Variants in WDR72 observed in about 807,000 individuals in gnomAD.
WDR72 encodes WD repeat-containing protein 72.
A neutral mutation model predicts 124.2 loss-of-function variants in WDR72; 120 were observed. The ratio of observed to expected loss-of-function variants is 0.97; its 90% CI spans 0.83 to 1.12. The LOEUF (loss-of-function observed/expected upper bound fraction) is 1.12. Among genes scored for constraint, WDR72 ranks in the 50% most tolerant of loss-of-function variants. WDR72 has a pLI of 0.00. For missense variants in WDR72, 1,387 were observed against 1,278.8 expected (o/e 1.08, Z -1.29); for synonymous variants, 452 against 441.7 (o/e 1.02, Z -0.29).
chr15:53,678,292 A>T (rs895242681), intron 13 of WDR72, among the ~76,000 whole-genome samples: 10 of 152,198 alleles, frequency 6.6e-5, no homozygotes, highest in Non-Finnish European at 2.9e-5. Flanking sequence ...TTACGAAATA[A>T]ATGTAGCAAT....
At chr15:53,690,305 C>T (rs1011073883) in intron 13 of WDR72, among the ~76,000 whole-genome samples, 9 of 152,094 alleles carry the variant, frequency 5.9e-5, no homozygotes, top group East Asian at 1.9e-4. Flanking sequence ...ACATAATATA[C>T]ATTAACTACA....
chr15:53,742,857 T>C (rs150572180), intron 1 of WDR72, among the ~76,000 whole-genome samples: 1 of 152,326 alleles, frequency 6.6e-6, no homozygotes, highest in African/African-American at 2.4e-5. Flanking sequence ...TATTTTGATA[T>C]TGCATTTTGT....
intron 17 of WDR72, among the ~76,000 whole-genome samples, chr15:53,604,950 G>A (rs1028782601): frequency 6.6e-6 from 1 of 152,108 alleles, no homozygotes; most frequent in Non-Finnish European, 1.5e-5. Context: ...AAGACCTAAA[G>A]ACAGAAATAC....
intron 14 of WDR72, among the ~76,000 whole-genome samples, chr15:53,663,180 A>T (rs2015665104): frequency 6.6e-6 from 1 of 152,070 alleles, no homozygotes. Flanking sequence ...TATAATAGAC[A>T]TTGAAGATAC....
intron 18 of WDR72, among the ~76,000 whole-genome samples, chr15:53,525,012 T>C (rs1892028598): frequency 6.6e-6 from 1 of 152,076 alleles, no homozygotes; most frequent in African/African-American, 2.4e-5. Context: ...TAGGCCAACT[T>C]GAGACCAAGG....
intron 1 of WDR72, among the ~76,000 whole-genome samples, chr15:53,753,337 C>A (rs1056451578): frequency 6.6e-6 from 1 of 152,220 alleles, no homozygotes; most frequent in African/African-American, 2.4e-5. Flanking sequence ...CTAATGCCCA[C>A]GATTCTAGTG....
intron 13 of WDR72, among the ~76,000 whole-genome samples, chr15:53,684,879 G>A (rs1308093402): frequency 1.3e-5 from 2 of 152,226 alleles, no homozygotes; most frequent in Non-Finnish European, 2.9e-5. Flanking sequence ...GGGCCAGACT[G>A]CCTCCTCAAG....
intron 14 of WDR72, among the ~76,000 whole-genome samples, chr15:53,648,467 A>C (rs1189002888): frequency 6.6e-6 from 1 of 152,158 alleles, no homozygotes; most frequent in East Asian, 1.9e-4. Flanking sequence ...TGCTTTCTAA[A>C]CATCATACTA....
chr15:53,692,931 A>G (rs2016888031), intron 13 of WDR72, among the ~76,000 whole-genome samples: 3 of 152,194 alleles, frequency 2.0e-5, no homozygotes, highest in African/African-American at 7.2e-5. Context: ...CCTAAAACCA[A>G]TCAACCCAAG....
chr15:53,688,734 C>G (rs1323601392), intron 13 of WDR72, among the ~76,000 whole-genome samples: 1 of 151,860 alleles, frequency 6.6e-6, no homozygotes, highest in African/African-American at 2.4e-5. Context: ...CATATAGAAC[C>G]AAAAAAGAGC....
intron 19 of WDR72, 33 bp from the exon 20 acceptor site, chr15:53,517,787 G>A (rs1891543728): frequency 1.2e-6 from 2 of 1,606,554 alleles, no homozygotes; most frequent in Non-Finnish European, 1.7e-6. Flanking sequence ...GGGTTATATG[G>A]TGAAATCTAA....
intron 14 of WDR72, among the ~76,000 whole-genome samples, chr15:53,638,712 A>G (rs768295135): frequency 1.3e-5 from 2 of 151,594 alleles, no homozygotes; most frequent in Non-Finnish European, 2.9e-5. Flanking sequence ...ACGTTTATTA[A>G]GCCATGGTTA....
intron 14 of WDR72, among the ~76,000 whole-genome samples, chr15:53,643,107 G>C (rs1261536321): frequency 6.6e-6 from 1 of 151,914 alleles, no homozygotes; most frequent in Non-Finnish European, 1.5e-5. Context: ...AAAAGCGAAA[G>C]AATTCTTCAT....
At position 53,615,128 on chromosome 15, in the gene WDR72, C is replaced by G. The variant is rs547316027; in HGVS notation, c.2780+298G>C. Among the ~76,000 whole-genome samples the G allele has an allele frequency of 5.9e-4, 89 of 151,778 alleles. 1 individual carries two copies. In the South Asian group the frequency reaches 0.014, roughly 24 times the overall value. On this transcript the variant is annotated intron_variant, in intron 15 of 19. Coordinates refer to ENST00000360509, the MANE Select transcript of WDR72 (RefSeq NM_182758.4). ...TATGTGTATGTATGTATGTATGTAT[C>G]TATCTATCAACTCATTCAACATCCC...
chr15:53,575,224 T>C (rs925103550), intron 18 of WDR72, among the ~76,000 whole-genome samples: 7 of 152,130 alleles, frequency 4.6e-5, no homozygotes, highest in African/African-American at 1.7e-4. Context: ...TTGAAAACTG[T>C]CAAGTCAGAA....
chr15:53,708,324 A>G (rs2017442134), intron 9 of WDR72, among the ~76,000 whole-genome samples: 1 of 152,186 alleles, frequency 6.6e-6, no homozygotes, highest in African/African-American at 2.4e-5. Context: ...ACTGTAGGCA[A>G]TTTAGTGCAC....
intron 16 of WDR72, among the ~76,000 whole-genome samples, chr15:53,610,572 G>GTATA (rs61283270): frequency 2.6e-4 from 38 of 148,806 alleles, no homozygotes; most frequent in African/African-American, 8.8e-4. Context: ...AACATATGAG[G>GTATA]TATATATATA....
chr15:53,649,181 AGAAACTATTACT>A (rs1193004072), intron 14 of WDR72, among the ~76,000 whole-genome samples: 3 of 152,108 alleles, frequency 2.0e-5, no homozygotes, highest in Non-Finnish European at 4.4e-5. Flanking sequence ...CTCTTTGCAA[AGAAACTATTACT>A]GGAACACAGA....
At chr15:53,569,619 C>A (rs551495699) in intron 18 of WDR72, among the ~76,000 whole-genome samples, 1 of 152,126 alleles carries the variant, frequency 6.6e-6, no homozygotes, top group East Asian at 1.9e-4. Context: ...TTTGCATTCA[C>A]AAGACCAAAT....
Sources: allele counts gnomAD v4.1 joint callset (sites outside exome capture counted in the v4.1 genomes callset), GRCh38; gene constraint gnomAD v4.1.1; transcripts MANE v1.5; gene names NCBI Gene and HGNC (gene_info 2026-07-23, HGNC 2026-07-21).